Variants in TNFAIP8 observed in about 807,000 individuals in gnomAD.
The protein encoded by TNFAIP8 is TNF alpha induced protein 8, also known as tumor necrosis factor alpha-induced protein 8.
Under a neutral mutation model 13.3 loss-of-function variants are expected in TNFAIP8, and 7 were observed. The observed-to-expected ratio is 0.52, with a 90% CI of 0.30 to 0.99. The LOEUF (loss-of-function observed/expected upper bound fraction) is 0.99. Ranked by LOEUF, TNFAIP8 falls within the 50% of genes least tolerant of loss-of-function variation. The probability of loss-of-function intolerance (pLI) is 0.07; values close to 1 mark genes in which losing one functional copy is unlikely to be tolerated. For missense variants in TNFAIP8, 258 were observed against 236.9 expected, an observed-to-expected ratio of 1.09 and a Z score of -0.58; for synonymous variants, 94 against 87.6, an observed-to-expected ratio of 1.07 and a Z score of -0.41.
chr5:119,314,238 GT>G (rs1275481252), intron 1 of TNFAIP8, among the ~76,000 whole-genome samples: 1 of 152,204 alleles, frequency 6.6e-6, no homozygotes, highest in African/African-American at 2.4e-5. Flanking sequence ...TTGTTCATTT[GT>G]GAATCTCCAG....
At chr5:119,273,019 T>C (rs564700552) in intron 1 of TNFAIP8, among the ~76,000 whole-genome samples, 1 of 152,332 alleles carries the variant, frequency 6.6e-6, no homozygotes, top group Non-Finnish European at 1.5e-5. Flanking sequence ...AAAATTCCAC[T>C]TGTAGTTTCC....
intron 1 of TNFAIP8, among the ~76,000 whole-genome samples, chr5:119,320,471 C>A (rs1228045804): frequency 6.6e-6 from 1 of 152,150 alleles, no homozygotes; most frequent in Non-Finnish European, 1.5e-5. Flanking sequence ...CCCATTCTGG[C>A]AGAACTGCTA....
chr5:119,279,149 G>T (rs952764635), intron 1 of TNFAIP8, among the ~76,000 whole-genome samples: 1 of 152,186 alleles, frequency 6.6e-6, no homozygotes, highest in Non-Finnish European at 1.5e-5. Context: ...AGATACTATT[G>T]TTAAGCCTTG....
chr5:119,301,539 C>T (rs1379221066), intron 1 of TNFAIP8, among the ~76,000 whole-genome samples: 2 of 150,282 alleles, frequency 1.3e-5, no homozygotes, highest in East Asian at 2.2e-4. Context: ...TATTTATATG[C>T]CATAGCTCCT....
At chr5:119,287,353 T>C (rs574244855) in intron 1 of TNFAIP8, among the ~76,000 whole-genome samples, 1 of 146,316 alleles carries the variant, frequency 6.8e-6, no homozygotes, top group Non-Finnish European at 1.5e-5. Context: ...AAATTGTATA[T>C]ATTCAAGGGG....
chr5:119,313,608 T>G (rs1422450196), intron 1 of TNFAIP8, among the ~76,000 whole-genome samples: 1 of 152,230 alleles, frequency 6.6e-6, no homozygotes, highest in Non-Finnish European at 1.5e-5. Flanking sequence ...ATAGCCTCCT[T>G]TTTAACAAAT....
At chr5:119,347,479 A>C (rs1344740343) in intron 1 of TNFAIP8, among the ~76,000 whole-genome samples, 1 of 152,236 alleles carries the variant, frequency 6.6e-6, no homozygotes, top group African/African-American at 2.4e-5. Context: ...TAGGAAATTT[A>C]TGGACTTAAT....
At chr5:119,367,328 C>T (rs1357743865) in intron 1 of TNFAIP8, among the ~76,000 whole-genome samples, 2 of 152,042 alleles carry the variant, frequency 1.3e-5, no homozygotes, top group African/African-American at 4.8e-5. Context: ...TTATTTGAGT[C>T]ATTCTATGGT....
At chr5:119,355,426 G>T (rs73237297), upstream of TNFAIP8, 149,510 of 698,638 alleles carry the variant, frequency 0.21, 16,742 homozygotes, top group African/African-American at 0.22. Flanking sequence ...TTCTTCAAAA[G>T]GCCCCGCTCT....
intron 1 of TNFAIP8, chr5:119,391,623 G>C (rs1362717088): frequency 4.2e-6 from 2 of 472,662 alleles, no homozygotes; most frequent in East Asian, 7.9e-5. Flanking sequence ...GCCGGGCATG[G>C]TGGAGGGTGC....
At chr5:119,323,901 A>C (rs1750135565) in intron 1 of TNFAIP8, among the ~76,000 whole-genome samples, 1 of 152,204 alleles carries the variant, frequency 6.6e-6, no homozygotes, top group Non-Finnish European at 1.5e-5. Flanking sequence ...TTAAACTTTC[A>C]AACCTGTTTG....
chr5:119,374,119 ATAAGT>A (rs1225110665), intron 1 of TNFAIP8, among the ~76,000 whole-genome samples: 4 of 152,214 alleles, frequency 2.6e-5, no homozygotes, highest in Admixed American at 1.3e-4. Context: ...TTAAGTAACC[ATAAGT>A]TAAAGTAAAA....
intron 1 of TNFAIP8, among the ~76,000 whole-genome samples, chr5:119,284,340 C>G (rs1419215933): frequency 6.6e-6 from 1 of 151,562 alleles, no homozygotes; most frequent in African/African-American, 2.4e-5. Context: ...TATTGTAGAA[C>G]AGTTCTTCAA....
At chr5:119,390,110 C>A (rs1269953377) in intron 1 of TNFAIP8, among the ~76,000 whole-genome samples, 1 of 152,036 alleles carries the variant, frequency 6.6e-6, no homozygotes, top group Non-Finnish European at 1.5e-5. Context: ...CCTCTGGTTT[C>A]AATATTTCAC....
chr5:119,330,169 G>A (rs1370567124), intron 1 of TNFAIP8, among the ~76,000 whole-genome samples: 1 of 152,124 alleles, frequency 6.6e-6, no homozygotes, highest in Non-Finnish European at 1.5e-5. Context: ...GAGGACTGAT[G>A]GGAAGAGAGG....
intron 1 of TNFAIP8, among the ~76,000 whole-genome samples, chr5:119,364,841 GTTTTT>G (rs10714712): frequency 2.3e-5 from 2 of 88,710 alleles, no homozygotes; most frequent in African/African-American, 4.7e-5. Flanking sequence ...TTTCTTTTCA[GTTTTT>G]TTTTTTTTTT....
At chr5:119,326,381 T>C (rs535132999) in intron 1 of TNFAIP8, among the ~76,000 whole-genome samples, 2 of 152,278 alleles carry the variant, frequency 1.3e-5, no homozygotes, top group Non-Finnish European at 1.5e-5. Flanking sequence ...CTTGGGAGAC[T>C]GGCAGTGTTT....
At chr5:119,328,354 T>A (rs1750284685) in intron 1 of TNFAIP8, among the ~76,000 whole-genome samples, 1 of 152,148 alleles carries the variant, frequency 6.6e-6, no homozygotes, top group Admixed American at 6.5e-5. Flanking sequence ...AAAATTTGGT[T>A]TGAAAATAGC....
At chr5:119,282,578 CAG>C (rs957388792) in intron 1 of TNFAIP8, among the ~76,000 whole-genome samples, 3 of 152,248 alleles carry the variant, frequency 2.0e-5, no homozygotes, top group African/African-American at 7.2e-5. Flanking sequence ...TCCTGGCGCA[CAG>C]AGTGTCTGAC....
Sources: gnomAD v4.1 joint callset for allele counts (sites outside exome capture counted in the v4.1 genomes callset) on GRCh38, gnomAD v4.1.1 for gene constraint, MANE v1.5 for transcripts, NCBI Gene and HGNC (gene_info 2026-07-23, HGNC 2026-07-21) for gene names.